ADGRD1: variants seen among roughly 807,000 people sequenced by gnomAD.
ADGRD1 encodes the protein adhesion G protein-coupled receptor D1.
Under a neutral mutation model 113.4 loss-of-function variants are expected in ADGRD1, and 77 were observed. The observed-to-expected ratio is 0.68, with a 90% CI of 0.57 to 0.82. ADGRD1 has a LOEUF of 0.82. Among genes scored for constraint, ADGRD1 ranks in the 40% least tolerant of loss-of-function variants. ADGRD1 has a pLI of 0.00. For synonymous variants in ADGRD1, 474 were observed against 475.0 expected (o/e 1.00, Z 0.03); for missense variants, 1,036 against 1,139.1 (o/e 0.91, Z 1.30).
Position 130,966,556 on chromosome 12 carries a change from C to A in ADGRD1, c.187+10C>A. On this transcript the variant is annotated intron_variant, in intron 3 of 24. Transcript: ENST00000261654. The surrounding 1 kb of genome is among the most constrained non-coding windows in gnomAD (Gnocchi z 4.6). ...CAGGATACAACTGGAGGTAGAGACGCGGGTGCTGAGAGCGGCTGTGGGCGC... is the reference window on the plus strand; with the variant it reads ...CAGGATACAACTGGAGGTAGAGACGAGGGTGCTGAGAGCGGCTGTGGGCGC... 1 of 1,575,948 alleles carries A rather than the reference C, an allele frequency of 6.3e-7. No homozygotes were observed. Among genetic ancestry groups the A allele is most frequent in the Non-Finnish European group, 8.7e-7 (1 of 1,145,280 alleles).
At chr12:131,136,333 T>G (rs1951085029) in intron 22 of ADGRD1, among the ~76,000 whole-genome samples, 170 bp downstream of exon 22, 1 of 152,208 alleles carries the variant, frequency 6.6e-6, no homozygotes, top group African/African-American at 2.4e-5. Context: ...AAGTGGGGCC[T>G]GCAGGATCCT....
At chr12:131,077,019 G>A (rs1452241502) in intron 14 of ADGRD1, 145 bp downstream of exon 14, 8 of 748,348 alleles carry the variant, frequency 1.1e-5, no homozygotes, top group Admixed American at 2.0e-5. Flanking sequence ...TGCTGGAGAT[G>A]TGGGCAGGGC....
At chr12:130,991,480 C>T (rs1392318065) in intron 7 of ADGRD1, among the ~76,000 whole-genome samples, 1 of 152,106 alleles carries the variant, frequency 6.6e-6, no homozygotes, top group Non-Finnish European at 1.5e-5. Flanking sequence ...ACTGTCCTTT[C>T]TTGAGAACGT....
chr12:130,968,583 G>A, intron 3 of ADGRD1: 1 of 178,390 alleles, frequency 5.6e-6, no homozygotes, highest in South Asian at 1.5e-4. Context: ...TTTTCATGCA[G>A]AGTGTCTGTC....
At chr12:131,124,571 G>A (rs1284183787) in intron 20 of ADGRD1, among the ~76,000 whole-genome samples, 3 of 152,098 alleles carry the variant, frequency 2.0e-5, no homozygotes, top group Non-Finnish European at 4.4e-5. Context: ...GTCACTGTGG[G>A]GCCTGCTGGG....
At chr12:131,002,711 G>A (rs778123368) in intron 9 of ADGRD1, 12 of 1,231,536 alleles carry the variant, frequency 9.7e-6, no homozygotes, top group Non-Finnish European at 1.2e-5. Context: ...AAGGCAGCCA[G>A]AGATAGCTCT....
chr12:130,955,098 C>G (rs927093487), intron 2 of ADGRD1, among the ~76,000 whole-genome samples: 1 of 147,494 alleles, frequency 6.8e-6, no homozygotes, highest in African/African-American at 2.5e-5. Context: ...TAGCTGGGAT[C>G]ACAGGTGTGC....
chr12:131,131,553 G>T (rs1950928378), intron 20 of ADGRD1, among the ~76,000 whole-genome samples, 172 bp from the exon 21 acceptor site: 1 of 152,234 alleles, frequency 6.6e-6, no homozygotes, highest in South Asian at 2.1e-4. Context: ...TGTTGTGTGT[G>T]TTGGTAAAAG....
At position 131,113,649 on chromosome 12, in the gene ADGRD1, C is replaced by T. The variant is rs1162285094; in HGVS notation, c.2042-4736C>T. Among the ~76,000 whole-genome samples, 1 of 152,196 alleles carries T rather than the reference C, an allele frequency of 6.6e-6. No homozygotes were observed. The highest frequency in any genetic ancestry group is 2.4e-5 in the African/African-American group (1 of 41,460). On this transcript the variant is annotated intron_variant, in intron 18 of 24. Transcript: ENST00000261654. The surrounding 1 kb of genome is among the most constrained non-coding windows in gnomAD (Gnocchi z 4.9). ...TGGCTCCCTGGGGAGACTGAAGAGG[C>T]CACTTGGGCAGCCACCTCCAGACTG...
intron 5 of ADGRD1, among the ~76,000 whole-genome samples, chr12:130,986,274 T>C (rs983870327): frequency 6.6e-6 from 1 of 152,268 alleles, no homozygotes; most frequent in African/African-American, 2.4e-5. Flanking sequence ...AGTCTTTCTG[T>C]CCATGAATAT....
intron 11 of ADGRD1, among the ~76,000 whole-genome samples, chr12:131,005,227 C>T (rs1003837105): frequency 6.6e-6 from 1 of 152,144 alleles, no homozygotes; most frequent in Non-Finnish European, 1.5e-5. Context: ...GCAGGGATGT[C>T]CCTACCCCAG....
chr12:130,958,822 G>T lies in ADGRD1; in HGVS notation c.103+4162G>T, dbSNP rs1407215522. On this transcript the variant is annotated intron_variant, in intron 2 of 24. Transcript: ENST00000261654. The stretch of plus-strand genomic sequence containing the variant: ...AGAGTGCTAAACAGCTATGAAAAGC[G>T]GCCAGTTTGTCTGCACGTTGGGCCT... Among the ~76,000 whole-genome samples, 4 of 146,936 alleles carry T rather than the reference G, an allele frequency of 2.7e-5. No individual in the cohort carries two copies. The East Asian group carries it at 7.7e-4, about 28-fold the overall frequency.
intron 7 of ADGRD1, 85 bp downstream of exon 7, chr12:130,991,163 T>C (rs1874332717): frequency 1.9e-6 from 2 of 1,080,138 alleles, no homozygotes; most frequent in Admixed American, 3.5e-5. Context: ...TTCCATTAGG[T>C]GTCTGGGCTC....
chr12:130,955,153 CAG>C (rs1229911282), intron 2 of ADGRD1, among the ~76,000 whole-genome samples: 2 of 40,768 alleles, frequency 4.9e-5, no homozygotes, highest in African/African-American at 2.6e-4. Context: ...TTAGTAGAGA[CAG>C]GGTTTCACTA....
chr12:131,039,575 G>A (rs1881903660), intron 13 of ADGRD1, among the ~76,000 whole-genome samples: 1 of 152,242 alleles, frequency 6.6e-6, no homozygotes, highest in Admixed American at 6.5e-5. Flanking sequence ...CTGGAGGCTG[G>A]CTGTGTGGAC....
At chr12:131,029,699 GATTA>G in intron 13 of ADGRD1, among the ~76,000 whole-genome samples, 1 of 137,104 alleles carries the variant, frequency 7.3e-6, no homozygotes, top group South Asian at 2.2e-4. Context: ...CAGGCTCTGG[GATTA>G]GGTTGTGGAC....
At chr12:131,067,082 G>A (rs1884781269) in intron 13 of ADGRD1, among the ~76,000 whole-genome samples, 2 of 152,178 alleles carry the variant, frequency 1.3e-5, no homozygotes, top group East Asian at 1.9e-4. Flanking sequence ...GTCTGCTATG[G>A]GGGGCTTGCT....
At chr12:131,097,854 G>A (rs1395745726) in intron 15 of ADGRD1, among the ~76,000 whole-genome samples, 1 of 152,220 alleles carries the variant, frequency 6.6e-6, no homozygotes, top group African/African-American at 2.4e-5. Context: ...TCCTGCTCTT[G>A]TGCCCGGGAG....
rs1028649131 is a variant in ADGRD1 at position 131,041,436 on chromosome 12, C to T, written c.1473+27096C>T. ...GGGGAGCTGACCCAGCCACCTGAAG[C>T]GGCTTTTGCCTCCCACCCCACCCTT... is the stretch of plus-strand genomic sequence containing the variant. On this transcript the variant is annotated intron_variant, in intron 13 of 24. Coordinates refer to ENST00000261654, the MANE Select transcript of ADGRD1 (RefSeq NM_198827.5). The surrounding 1 kb of genome is among the most constrained non-coding windows in gnomAD (Gnocchi z 4.4). 1.8e-4 allele frequency among the ~76,000 whole-genome samples: 27 copies of T among 152,186 alleles called. No homozygotes were observed. The highest frequency in any genetic ancestry group is 5.6e-4 in the African/African-American group (23 of 41,434).
Sources: gnomAD v4.1 joint callset for allele counts (sites outside exome capture counted in the v4.1 genomes callset) on GRCh38, gnomAD v4.1.1 for gene constraint, Gnocchi (gnomAD v3.1) non-coding constraint, MANE v1.5 for transcripts, NCBI Gene and HGNC (gene_info 2026-07-23, HGNC 2026-07-21) for gene names.